The following SH3YL1 variants were observed in gnomAD, a reference collection of about 807,000 sequenced individuals.
SH3YL1 encodes SH3 domain-containing YSC84-like protein 1.
SH3YL1 carries 41 observed loss-of-function variants against 45.8 expected under a neutral mutation model. That is an observed-to-expected ratio of 0.89 (90% CI 0.70 to 1.16). SH3YL1 has a LOEUF of 1.16. Ranked by LOEUF, SH3YL1 falls within the 50% of genes most tolerant of loss-of-function variation. The pLI is 0.00. For missense variants in SH3YL1, 389 were observed against 409.6 expected, an observed-to-expected ratio of 0.95 and a Z score of 0.43; for synonymous variants, 152 against 151.4, an observed-to-expected ratio of 1.00 and a Z score of -0.03.
At chr2:243,007 C>T (rs965930902) in intron 4 of SH3YL1, 31 of 549,358 alleles carry the variant, frequency 5.6e-5, no homozygotes, top group Non-Finnish European at 7.8e-5. Flanking sequence ...CACATAATAT[C>T]GGAGACCCAA....
intron 1 of SH3YL1, among the ~76,000 whole-genome samples, chr2:254,804 G>C (rs771689100): frequency 2.6e-5 from 4 of 152,170 alleles, no homozygotes; most frequent in Admixed American, 6.5e-5. Context: ...GCTCACGTGA[G>C]ACAAATGCAT....
Position 218,889 on chromosome 2 carries a change from ATC to A in SH3YL1, c.949_950del (p.Asp317PhefsTer4). The A allele has an allele frequency of 1.9e-6, 3 of 1,614,070 alleles. No homozygotes were observed. Among genetic ancestry groups the A allele is most frequent in the East Asian group, 2.2e-5 (1 of 44,876 alleles). On this transcript the variant is annotated frameshift_variant, in exon 10 of 10. Coordinates refer to ENST00000356150, the MANE Select transcript of SH3YL1 (RefSeq NM_015677.4). LOFTEE classifies it high-confidence loss of function. Reference sequence around the variant, plus strand: ...TTCCTTCCCACCAATCAAAATGTGAATCTGTTTTTGATATAACTGTGATTCTG... The same window carrying A: ...TTCCTTCCCACCAATCAAAATGTGAATGTTTTTGATATAACTGTGATTCTG... The part of the protein sequence containing the change: ...GDRITVISKT[D>X]SHFDWWEGKL...
chr2:228,905 T>C (rs1667910570), intron 8 of SH3YL1, among the ~76,000 whole-genome samples: 1 of 152,314 alleles, frequency 6.6e-6, no homozygotes, highest in South Asian at 2.1e-4. Context: ...CTTCCCGCCT[T>C]CTGCAGAGCT....
At chr2:246,931 G>T (rs1315164898) in intron 4 of SH3YL1, among the ~76,000 whole-genome samples, 1 of 152,202 alleles carries the variant, frequency 6.6e-6, no homozygotes, top group African/African-American at 2.4e-5. Flanking sequence ...AAGAAAATGA[G>T]TTGAGCATAC....
chr2:238,702 G>A (rs929826213), intron 4 of SH3YL1, among the ~76,000 whole-genome samples: 1 of 152,146 alleles, frequency 6.6e-6, no homozygotes, highest in Admixed American at 6.5e-5. Flanking sequence ...CATCCAAAAA[G>A]AAACCGTTAG....
At chr2:230,176 G>T in intron 7 of SH3YL1, 132 bp from the exon 8 acceptor site, 2 of 612,442 alleles carry the variant, frequency 3.3e-6, no homozygotes, top group Non-Finnish European at 2.9e-6. Context: ...CACTCTCAAA[G>T]CTCACATGCA....
intron 4 of SH3YL1, among the ~76,000 whole-genome samples, chr2:235,042 A>G (rs1572153821): frequency 6.6e-6 from 1 of 152,062 alleles, no homozygotes; most frequent in Middle Eastern, 3.4e-3. Context: ...TGTCCGGCTA[A>G]TTTTTTGTAT....
chr2:233,778 C>A (rs1399630686), intron 5 of SH3YL1, among the ~76,000 whole-genome samples: 1 of 152,054 alleles, frequency 6.6e-6, no homozygotes, highest in Non-Finnish European at 1.5e-5. Flanking sequence ...TCAAAAAAAA[C>A]ACATCCATAT....
chr2:262,957 G>A (rs981867084), intron 1 of SH3YL1, among the ~76,000 whole-genome samples: 2 of 152,124 alleles, frequency 1.3e-5, no homozygotes, highest in Admixed American at 1.3e-4. Context: ...TAGACAGGAT[G>A]GAGGTTATCA....
At chr2:234,106 T>A (rs2103028787) in intron 5 of SH3YL1, 54 bp downstream of exon 5, 2 of 1,288,472 alleles carry the variant, frequency 1.6e-6, no homozygotes, top group East Asian at 4.7e-5. Flanking sequence ...TAATGCAAAA[T>A]AAAATATGCA....
At position 249,795 on chromosome 2, in the gene SH3YL1, T is replaced by C. The variant is rs774606300; in HGVS notation, c.162A>G (p.Lys54=). ...CTCTGGCAGTCACCAGGAACCCGGC[T>C]TTGATCACAGACAGAATTGCAAGGC... ...AKGLAILSVI[K]AGFLVTARGG... is the part of the protein sequence containing the mutation. Residue 54 remains lysine, a synonymous_variant, in exon 3 of 10, where the codon AAA becomes AAG. Coordinates refer to ENST00000356150, the MANE Select transcript of SH3YL1 (RefSeq NM_015677.4). The C allele has an allele frequency of 6.4e-7, 1 of 1,552,048 alleles. No homozygotes were observed. The highest frequency in any genetic ancestry group is 8.7e-7 in the Non-Finnish European group (1 of 1,147,050).
intron 9 of SH3YL1, among the ~76,000 whole-genome samples, chr2:221,745 G>C (rs1415800487): frequency 1.3e-5 from 2 of 152,180 alleles, no homozygotes; most frequent in Non-Finnish European, 2.9e-5. Flanking sequence ...AGGAGTACAA[G>C]AGAGTCAGGA....
chr2:234,095 T>A, intron 5 of SH3YL1, 65 bp downstream of exon 5: 1 of 1,171,962 alleles, frequency 8.5e-7, no homozygotes, highest in Non-Finnish European at 1.2e-6. Flanking sequence ...AAGTTTCCTA[T>A]TAATGCAAAA....
At position 231,164 on chromosome 2, in the gene SH3YL1, A is replaced by G. The variant is rs1253066230; in HGVS notation, c.561T>C (p.Tyr187=). The G allele has an allele frequency of 6.2e-7, 1 of 1,612,646 alleles. No homozygotes were observed. The highest frequency in any genetic ancestry group is 1.3e-5 in the African/African-American group (1 of 74,874). The change falls in exon 7 of 10, where the codon TAT becomes TAC. Residue 187 remains tyrosine (Y), a synonymous_variant. Coordinates refer to ENST00000356150, the MANE Select transcript of SH3YL1 (RefSeq NM_015677.4). ...RKFYCQDIRA[Y]DILFGDTPRP... ...GCGGTGTATCTCCAAATAAAATGTCATAAGCTCGGATATCTTGACAATAAA... is the reference window on the plus strand; with the variant it reads ...GCGGTGTATCTCCAAATAAAATGTCGTAAGCTCGGATATCTTGACAATAAA...
At chr2:230,868 A>T in intron 7 of SH3YL1, 155 bp downstream of exon 7, 1 of 692,624 alleles carries the variant, frequency 1.4e-6, no homozygotes, top group Non-Finnish European at 2.5e-6. Flanking sequence ...TACAGAGGAA[A>T]TGTCAAGGTA....
At chr2:264,716 C>G, upstream of SH3YL1, 1 of 471,142 alleles carries the variant, frequency 2.1e-6, no homozygotes. Context: ...CAGCCCCGCC[C>G]CTGCAGGTGA....
chr2:239,817 G>C (rs1212288286), intron 4 of SH3YL1: 5 of 152,156 alleles, frequency 3.3e-5, no homozygotes, highest in Non-Finnish European at 7.4e-5. Flanking sequence ...TTGTCCTAAG[G>C]GCATATGGCA....
At chr2:225,138 G>T (rs1558233587) in intron 8 of SH3YL1, among the ~76,000 whole-genome samples, 1 of 152,222 alleles carries the variant, frequency 6.6e-6, no homozygotes, top group Non-Finnish European at 1.5e-5. Context: ...CCTGACATCT[G>T]TATGACACAG....
chr2:254,459 G>T (rs1669218444), intron 1 of SH3YL1, among the ~76,000 whole-genome samples: 1 of 152,208 alleles, frequency 6.6e-6, no homozygotes, highest in African/African-American at 2.4e-5. Context: ...TTGTCTCACT[G>T]TCTACAATTA....
Sources: allele counts gnomAD v4.1 joint callset (sites outside exome capture counted in the v4.1 genomes callset), GRCh38; gene constraint gnomAD v4.1.1; transcripts MANE v1.5; gene names NCBI Gene and HGNC (gene_info 2026-07-23, HGNC 2026-07-21).